The following TRMT10B variants were observed in gnomAD, a reference collection of about 807,000 sequenced individuals.
The protein encoded by TRMT10B is tRNA methyltransferase 10B, also known as tRNA methyltransferase 10 homolog B.
A neutral mutation model predicts 43.8 loss-of-function variants in TRMT10B; 33 were observed. That is an observed-to-expected ratio of 0.75 (90% CI 0.57 to 1.01). The LOEUF is 1.01. Ranked by LOEUF, TRMT10B falls within the 50% of genes least tolerant of loss-of-function variation. The pLI is 0.00. For missense variants in TRMT10B, 362 were observed against 369.8 expected, an observed-to-expected ratio of 0.98 and a Z score of 0.17; for synonymous variants, 137 against 130.6, an observed-to-expected ratio of 1.05 and a Z score of -0.34.
chr9:37,769,945 A>C lies in TRMT10B; in HGVS notation c.578A>C (p.Asp193Ala). Residue 193 changes from aspartate to alanine, a missense_variant, in exon 6 of 9, where the codon GAC becomes GCC. Transcript: ENST00000297994. ...CAGACTGTTTGCATTTTCCAGTTAG[A>C]CATAACAGAAGAAGACTGCTTTAGT... Reference protein sequence around the residue: ...MNDGFSSYLLDITEEDCFSLF... With the variant: ...MNDGFSSYLLAITEEDCFSLF... 1 of 1,613,954 alleles carries C rather than the reference A, an allele frequency of 6.2e-7. No individual in the cohort carries two copies. The highest frequency in any genetic ancestry group is 8.5e-7 in the Non-Finnish European group (1 of 1,179,866).
intron 1 of TRMT10B, among the ~76,000 whole-genome samples, chr9:37,756,829 C>CGT (rs1005401197): frequency 2.4e-4 from 36 of 147,250 alleles, no homozygotes; most frequent in African/African-American, 7.6e-4. Context: ...TGTGTGTATG[C>CGT]GTGTGTATGT....
chr9:37,774,747 T>C (rs1043097697), intron 7 of TRMT10B, among the ~76,000 whole-genome samples: 10 of 152,234 alleles, frequency 6.6e-5, no homozygotes, highest in African/African-American at 2.2e-4. Context: ...TTTTGTTTCA[T>C]GTGAGGCAGG....
chr9:37,763,892 G>C (rs759838354), intron 4 of TRMT10B, 139 bp downstream of exon 4: 4 of 1,529,032 alleles, frequency 2.6e-6, no homozygotes, highest in Non-Finnish European at 3.5e-6. Flanking sequence ...TCTATACTGG[G>C]TTACTAAGTT....
At chr9:37,755,114 C>CA (rs1191509013) in intron 1 of TRMT10B, among the ~76,000 whole-genome samples, 2 of 152,014 alleles carry the variant, frequency 1.3e-5, no homozygotes, top group South Asian at 2.1e-4. Flanking sequence ...ACTAAAAATA[C>CA]AAAAAAATCT....
Position 37,770,868 on chromosome 9 carries a change from C to T in TRMT10B, c.720+129C>T, listed in dbSNP as rs1827502105. On this transcript the variant is annotated intron_variant, in intron 7 of 8. Coordinates refer to ENST00000297994, the MANE Select transcript of TRMT10B (RefSeq NM_144964.4). The stretch of plus-strand genomic sequence containing the variant: ...GGGAACAGGAAGAAAGAGCCATCCC[C>T]ACCAGGTTGGCCCTCTGGCTGGTGA... The T allele has an allele frequency of 5.3e-6, 5 of 949,398 alleles. No individual in the cohort carries two copies. In the South Asian group the frequency reaches 8.0e-5, roughly 15 times the overall value. The allele number at this position is 949,398 out of a possible 1,614,324, so 58.8% of individuals were successfully genotyped here. A position where few individuals can be genotyped will look rare whatever the true frequency, so the allele number is the denominator to read the frequency against.
chr9:37,754,383 A>G (rs1296906523), intron 1 of TRMT10B, among the ~76,000 whole-genome samples: 1 of 152,162 alleles, frequency 6.6e-6, no homozygotes, highest in African/African-American at 2.4e-5. Context: ...CTTGAAGGGT[A>G]TGTTTGAGGA....
intron 5 of TRMT10B, 54 bp from the exon 6 acceptor site, chr9:37,769,887 G>A: frequency 1.4e-6 from 2 of 1,461,886 alleles, no homozygotes; most frequent in South Asian, 2.3e-5. Context: ...ACAGACGTGA[G>A]CCACCCCACC....
Position 37,777,676 on chromosome 9 carries a change from A to C in TRMT10B, c.920A>C (p.Lys307Thr). 1 of 1,614,044 alleles carries C rather than the reference A, an allele frequency of 6.2e-7. No individual in the cohort carries two copies. The highest frequency in any genetic ancestry group is 8.5e-7 in the Non-Finnish European group (1 of 1,179,978). Residue 307 changes from lysine to threonine, a missense_variant, in exon 9 of 9, where the codon AAA becomes ACA. By Grantham distance (78) the Lys-to-Thr change is moderately conservative (BLOSUM62 -1). Transcript: ENST00000297994. ...EALKKGVSSG[K>T]GYILRNSVE ...TTGAAGAAAGGAGTTTCTTCAGGAA[A>C]AGGCTATATTCTTCGGAACTCAGTG... is the stretch of plus-strand genomic sequence containing the variant.
chr9:37,763,686 T>C lies in TRMT10B; in HGVS notation c.353T>C (p.Leu118Ser), dbSNP rs762110544. The change falls in exon 4 of 9, where the codon TTG (leucine) becomes TCG (serine). Residue 118 changes from leucine to serine, a missense_variant. Coordinates refer to ENST00000297994, the MANE Select transcript of TRMT10B (RefSeq NM_144964.4). Reference sequence around the variant, plus strand: ...AGAGCTCTAACCAAAGACAAACTTTTGGAAGCCAAACACTCAGGACCAAGA... The same window carrying C: ...AGAGCTCTAACCAAAGACAAACTTTCGGAAGCCAAACACTCAGGACCAAGA... Reference protein sequence around the residue: ...FLRALTKDKLLEAKHSGPRLC... With the variant: ...FLRALTKDKLSEAKHSGPRLC... The C allele has an allele frequency of 4.5e-5, 73 of 1,614,194 alleles. No individual in the cohort carries two copies. Among genetic ancestry groups the C allele is most frequent in the Non-Finnish European group, 5.8e-5 (68 of 1,180,022 alleles).
At chr9:37,763,143 C>CAAAAAAAAAAAAAAAAAAA (rs747893643) in intron 3 of TRMT10B, among the ~76,000 whole-genome samples, 3 of 50,204 alleles carry the variant, frequency 6.0e-5, no homozygotes, top group Non-Finnish European at 7.9e-5. Context: ...GACTCTGTCT[C>CAAAAAAAAAAAAAAAAAAA]AAAAAAAAAA....
intron 7 of TRMT10B, 73 bp downstream of exon 7, chr9:37,770,812 T>C (rs1028815414): frequency 2.5e-5 from 38 of 1,500,538 alleles, no homozygotes; most frequent in Admixed American, 7.0e-5. Flanking sequence ...TGCCCTGTTA[T>C]AGTCTCCTCT....
At chr9:37,762,266 G>C in intron 2 of TRMT10B, 149 bp downstream of exon 2, 1 of 1,049,136 alleles carries the variant, frequency 9.5e-7, no homozygotes, top group Non-Finnish European at 1.3e-6. Flanking sequence ...CTGGTTTAAA[G>C]TTTTAGTTCC....
chr9:37,754,990 G>T (rs1022135442), intron 1 of TRMT10B, among the ~76,000 whole-genome samples: 9 of 152,210 alleles, frequency 5.9e-5, no homozygotes, highest in African/African-American at 2.2e-4. Context: ...AGGTCACAGG[G>T]TCGGGTGTGG....
At chr9:37,756,084 C>T (rs995597119) in intron 1 of TRMT10B, among the ~76,000 whole-genome samples, 2 of 152,178 alleles carry the variant, frequency 1.3e-5, no homozygotes. Flanking sequence ...CAGTCATTCC[C>T]CAACAGGCCC....
At chr9:37,760,164 A>G (rs919123740) in intron 1 of TRMT10B, among the ~76,000 whole-genome samples, 2 of 152,302 alleles carry the variant, frequency 1.3e-5, no homozygotes, top group Middle Eastern at 3.4e-3. Flanking sequence ...CGTCTCTACT[A>G]AAAATAAAAT....
chr9:37,770,631 T>C (rs767302738), intron 6 of TRMT10B, 41 bp from the exon 7 acceptor site: 6 of 1,548,612 alleles, frequency 3.9e-6, no homozygotes, highest in Admixed American at 3.5e-5. Flanking sequence ...TTAGAAATTA[T>C]AAAACAGATT....
chr9:37,776,886 T>C (rs1828212985), intron 8 of TRMT10B, among the ~76,000 whole-genome samples: 1 of 150,090 alleles, frequency 6.7e-6, no homozygotes, highest in Admixed American at 6.6e-5. Context: ...GTGACAGTGA[T>C]ACTCTGTCTC....
At chr9:37,755,550 T>C (rs1318178994) in intron 1 of TRMT10B, among the ~76,000 whole-genome samples, 1 of 152,256 alleles carries the variant, frequency 6.6e-6, no homozygotes, top group East Asian at 1.9e-4. Flanking sequence ...CTAATCAGTA[T>C]TTATTGAGCT....
intron 7 of TRMT10B, among the ~76,000 whole-genome samples, chr9:37,773,288 T>C (rs1309868173): frequency 1.3e-5 from 2 of 151,830 alleles, no homozygotes; most frequent in East Asian, 3.9e-4. Flanking sequence ...TTTTTTTTTT[T>C]TTCTGTATTT....
Sources: allele counts gnomAD v4.1 joint callset (sites outside exome capture counted in the v4.1 genomes callset), GRCh38; gene constraint gnomAD v4.1.1; transcripts MANE v1.5; gene names NCBI Gene and HGNC (gene_info 2026-07-23, HGNC 2026-07-21).